The following IMPG1 variants were observed in gnomAD, a reference collection of about 807,000 sequenced individuals.
IMPG1 encodes the protein interphotoreceptor matrix proteoglycan of 150 kDa.
Under a neutral mutation model 92.0 loss-of-function variants are expected in IMPG1, and 85 were observed. The ratio of observed to expected loss-of-function variants is 0.92; its 90% CI spans 0.78 to 1.11. IMPG1 has a LOEUF of 1.11. Among genes scored for constraint, IMPG1 ranks in the 50% least tolerant of loss-of-function variants. IMPG1 has a pLI of 0.00. For missense variants in IMPG1, 1,022 were observed against 956.0 expected, an observed-to-expected ratio of 1.07 and a Z score of -0.91; for synonymous variants, 367 against 334.1, an observed-to-expected ratio of 1.10 and a Z score of -1.08.
chr6:75,959,261 T>C (rs938586862), intron 12 of IMPG1, among the ~76,000 whole-genome samples: 1 of 152,074 alleles, frequency 6.6e-6, no homozygotes, highest in Non-Finnish European at 1.5e-5. Context: ...GAGAGGCACC[T>C]TCCAGATGCC....
intron 12 of IMPG1, among the ~76,000 whole-genome samples, chr6:76,002,500 T>C (rs1015557440): frequency 2.0e-5 from 3 of 152,324 alleles, no homozygotes; most frequent in African/African-American, 7.2e-5. Flanking sequence ...CAGGAATACA[T>C]ATAGTGATTG....
intron 1 of IMPG1, among the ~76,000 whole-genome samples, chr6:76,065,914 G>C (rs1784301282): frequency 6.6e-6 from 1 of 152,034 alleles, no homozygotes; most frequent in South Asian, 2.1e-4. Flanking sequence ...AGAGACTGAG[G>C]TCCTATTTTC....
At chr6:76,000,284 T>C (rs1032993947) in intron 12 of IMPG1, among the ~76,000 whole-genome samples, 3 of 152,240 alleles carry the variant, frequency 2.0e-5, no homozygotes, top group African/African-American at 7.2e-5. Context: ...GTGAAACTTA[T>C]AACACATAAA....
intron 14 of IMPG1, among the ~76,000 whole-genome samples, chr6:75,945,205 C>G (rs1781904638): frequency 6.6e-6 from 1 of 152,132 alleles, no homozygotes; most frequent in Non-Finnish European, 1.5e-5. Flanking sequence ...AATTGATAGT[C>G]AAGTTAATTA....
At chr6:76,060,331 T>G (rs1040630933) in intron 1 of IMPG1, among the ~76,000 whole-genome samples, 2 of 152,208 alleles carry the variant, frequency 1.3e-5, no homozygotes, top group Non-Finnish European at 2.9e-5. Flanking sequence ...TTACATTCCC[T>G]ATGGCTGGAA....
At chr6:76,068,396 A>C (rs1784347921) in intron 1 of IMPG1, among the ~76,000 whole-genome samples, 1 of 152,098 alleles carries the variant, frequency 6.6e-6, no homozygotes, top group South Asian at 2.1e-4. Flanking sequence ...ACCAATAATG[A>C]TCTACAAGGA....
chr6:75,938,145 C>A (rs979730820), intron 14 of IMPG1, among the ~76,000 whole-genome samples: 27 of 152,170 alleles, frequency 1.8e-4, no homozygotes, highest in Admixed American at 1.5e-3. Flanking sequence ...GAATGGCACA[C>A]CTAGTGCAGT....
intron 12 of IMPG1, among the ~76,000 whole-genome samples, chr6:75,967,170 C>G (rs889142220): frequency 1.3e-5 from 2 of 151,410 alleles, no homozygotes; most frequent in Non-Finnish European, 2.9e-5. Flanking sequence ...AAGAGCAAGA[C>G]TTCTTATAAA....
At chr6:75,966,896 G>A (rs543103774) in intron 12 of IMPG1, among the ~76,000 whole-genome samples, 1 of 152,292 alleles carries the variant, frequency 6.6e-6, no homozygotes, top group East Asian at 1.9e-4. Context: ...AAACAAACAA[G>A]GCCGGGCATG....
chr6:76,018,866 TAAAA>T lies in IMPG1; in HGVS notation c.667-12_667-9del, dbSNP rs377755519. On this transcript the variant is annotated splice_polypyrimidine_tract_variant and intron_variant, in intron 6 of 16. Coordinates refer to ENST00000369950, the MANE Select transcript of IMPG1 (RefSeq NM_001563.4). ...GAATTCTGTTTCTCTTTCCTGAGTT[TAAAA>T]AAAAAAAAAAGGACTTCTGTTAACC... 41 of 1,464,010 alleles carry T rather than the reference TAAAA, an allele frequency of 2.8e-5. No homozygotes were observed. Among genetic ancestry groups the T allele is most frequent in the Middle Eastern group, 3.8e-4 (2 of 5,210 alleles). The allele number at this position is 1,464,010 out of a possible 1,614,324, so 90.7% of individuals were successfully genotyped here.
chr6:76,005,232 T>G, intron 10 of IMPG1, 55 bp downstream of exon 10: 8 of 1,574,958 alleles, frequency 5.1e-6, no homozygotes, highest in Non-Finnish European at 6.9e-6. Flanking sequence ...ACATTCACAT[T>G]CTTAGTCTCT....
At chr6:76,045,264 G>T (rs1783917707) in intron 1 of IMPG1, among the ~76,000 whole-genome samples, 1 of 151,992 alleles carries the variant, frequency 6.6e-6, no homozygotes, top group Non-Finnish European at 1.5e-5. Flanking sequence ...TTCCACTTTT[G>T]AGTATCTCCA....
At chr6:76,060,820 G>T (rs892683336) in intron 1 of IMPG1, among the ~76,000 whole-genome samples, 3 of 152,120 alleles carry the variant, frequency 2.0e-5, no homozygotes, top group Non-Finnish European at 4.4e-5. Context: ...ACTTACCCCT[G>T]AGTGTGATAC....
In IMPG1 at chr6:75,974,379, CTTT is replaced by C. The variant is rs1562354645; in HGVS notation, c.1292-23288_1292-23286del. ...TCTTTCTTTCTTTCTTTCTTTCTTT[CTTT>C]CTTTCTTTCTTTTCTTTCTTTCCTT... On this transcript the variant is annotated intron_variant, in intron 12 of 16. Coordinates refer to ENST00000369950, the MANE Select transcript of IMPG1 (RefSeq NM_001563.4). 6.2e-3 allele frequency among the ~76,000 whole-genome samples: 537 copies of C among 87,154 alleles called. 3 individuals are homozygous for C. Among genetic ancestry groups the C allele is most frequent in the Admixed American group, 9.9e-3 (70 of 7,056 alleles). The allele number at this position is 87,154 out of a possible 152,430, so 57.2% of individuals were successfully genotyped here. A position where few individuals can be genotyped will look rare whatever the true frequency, so the allele number is the denominator to read the frequency against.
chr6:75,923,923 C>T (rs1781476542), intron 15 of IMPG1, among the ~76,000 whole-genome samples: 1 of 152,072 alleles, frequency 6.6e-6, no homozygotes, highest in Non-Finnish European at 1.5e-5. Flanking sequence ...AGGCAGTGGT[C>T]TCAGAAGGAT....
rs2149472344 is a variant in IMPG1 at position 75,988,588 on chromosome 6, T to C, written c.1291+14330A>G. Reference sequence around the variant, plus strand: ...GAAAATATTCAGCCCCTTGGAGCAATGTGGAAATCATGAGTGAAACTTATA... The same window carrying C: ...GAAAATATTCAGCCCCTTGGAGCAACGTGGAAATCATGAGTGAAACTTATA... On this transcript the variant is annotated intron_variant, in intron 12 of 16. Transcript: ENST00000369950. Among the ~76,000 whole-genome samples the C allele has an allele frequency of 1.3e-5, 2 of 152,318 alleles. 1 individual carries two copies. The highest frequency in any genetic ancestry group is 4.1e-4 in the South Asian group (2 of 4,824).
chr6:75,991,459 C>T (rs1782812135), intron 12 of IMPG1, among the ~76,000 whole-genome samples: 1 of 151,728 alleles, frequency 6.6e-6, no homozygotes, highest in African/African-American at 2.4e-5. Flanking sequence ...GTGATGTTAC[C>T]TCATTTGAGT....
chr6:76,072,325 G>T (rs894162939), intron 1 of IMPG1, 97 bp downstream of exon 1: 1 of 648,872 alleles, frequency 1.5e-6, no homozygotes, highest in Non-Finnish European at 2.7e-6. Context: ...ATACTAGCCC[G>T]TGAGATCAAT....
intron 12 of IMPG1, among the ~76,000 whole-genome samples, chr6:75,997,948 G>T (rs374479785): frequency 1.3e-5 from 2 of 152,110 alleles, no homozygotes; most frequent in Non-Finnish European, 2.9e-5. Context: ...TCAGGGAGCC[G>T]TTGGGGAAAA....
Sources: allele counts gnomAD v4.1 joint callset (sites outside exome capture counted in the v4.1 genomes callset), GRCh38; gene constraint gnomAD v4.1.1; transcripts MANE v1.5; gene names NCBI Gene and HGNC (gene_info 2026-07-23, HGNC 2026-07-21).